Variants in DCAF10 observed in about 807,000 individuals in gnomAD.
The protein encoded by DCAF10 is DDB1 and CUL4 associated factor 10.
A neutral mutation model predicts 51.9 loss-of-function variants in DCAF10; 19 were observed. That is an observed-to-expected ratio of 0.37 (90% CI 0.26 to 0.54). DCAF10 has a LOEUF of 0.54. Ranked by LOEUF, DCAF10 falls within the 20% of genes least tolerant of loss-of-function variation. DCAF10 has a pLI of 0.87. For missense variants in DCAF10, 510 were observed against 730.6 expected (o/e 0.70, Z 3.48); for synonymous variants, 291 against 297.1 (o/e 0.98, Z 0.21).
At chr9:37,814,121 TATATA>T (rs1171334064) in intron 1 of DCAF10, among the ~76,000 whole-genome samples, 22 of 87,476 alleles carry the variant, frequency 2.5e-4, no homozygotes, top group African/African-American at 7.4e-4. Context: ...TATATATATA[TATATA>T]TTTGTTGTTG....
At chr9:37,833,483 TAA>T (rs1411161743) in intron 2 of DCAF10, among the ~76,000 whole-genome samples, 1 of 152,212 alleles carries the variant, frequency 6.6e-6, no homozygotes, top group African/African-American at 2.4e-5. Flanking sequence ...AATTTTTTTT[TAA>T]GATATAGACT....
intron 1 of DCAF10, among the ~76,000 whole-genome samples, chr9:37,813,522 C>T (rs561700229): frequency 6.6e-6 from 1 of 152,308 alleles, no homozygotes; most frequent in South Asian, 2.1e-4. Flanking sequence ...TTGACTGAGA[C>T]AATGATTGTC....
intron 2 of DCAF10, among the ~76,000 whole-genome samples, chr9:37,830,337 C>T (rs919804919): frequency 1.3e-5 from 2 of 152,134 alleles, no homozygotes; most frequent in Admixed American, 6.5e-5. Context: ...TTGGTGAGGG[C>T]ATGTATTTGT....
intron 3 of DCAF10, among the ~76,000 whole-genome samples, chr9:37,849,309 A>C (rs944967874): frequency 1.3e-5 from 2 of 152,192 alleles, no homozygotes; most frequent in African/African-American, 4.8e-5. Flanking sequence ...TTATTCACAG[A>C]TGATATATCA....
intron 3 of DCAF10, among the ~76,000 whole-genome samples, chr9:37,843,656 A>G (rs1286396431): frequency 6.6e-6 from 1 of 152,244 alleles, no homozygotes; most frequent in East Asian, 1.9e-4. Flanking sequence ...AAAAAGTTGG[A>G]GAAAATTATA....
At chr9:37,804,958 A>G (rs547401481) in intron 1 of DCAF10, among the ~76,000 whole-genome samples, 1 of 152,204 alleles carries the variant, frequency 6.6e-6, no homozygotes, top group Non-Finnish European at 1.5e-5. Context: ...AAGAACAAAG[A>G]TGAAATAAAT....
rs750530975 is a variant in DCAF10, at chr9:37,857,305, T to A, written c.1119T>A (p.Asp373Glu). The A allele has an allele frequency of 1.2e-6, 2 of 1,611,330 alleles. No individual in the cohort carries two copies. Among genetic ancestry groups the A allele is most frequent in the Non-Finnish European group, 1.7e-6 (2 of 1,179,096 alleles). ...CTGGCTCACCTTGTCATCATAGTGA[T>A]TCTAATTCTTCTGAGAAACACATGT... ...RVSGSPCHHS[D>E]SNSSEKHMSR... Residue 373 changes from aspartate to glutamate, a missense_variant, in exon 5 of 7, where the codon GAT (aspartate) becomes GAA (glutamate). Transcript: ENST00000377724.
intron 3 of DCAF10, among the ~76,000 whole-genome samples, chr9:37,843,493 A>G (rs958245053): frequency 3.9e-5 from 6 of 152,248 alleles, no homozygotes; most frequent in Admixed American, 2.0e-4. Context: ...TAAAATTTGA[A>G]TAGAAATATA....
At chr9:37,824,348 C>T (rs1379042166) in intron 2 of DCAF10, among the ~76,000 whole-genome samples, 1 of 151,860 alleles carries the variant, frequency 6.6e-6, no homozygotes, top group East Asian at 1.9e-4. Flanking sequence ...TGTTAAGGCC[C>T]TCTTCATGTT....
intron 4 of DCAF10, 46 bp from the exon 5 acceptor site, chr9:37,857,195 C>A (rs199646434): frequency 7.0e-7 from 1 of 1,433,584 alleles, no homozygotes; most frequent in African/African-American, 1.4e-5. Flanking sequence ...AGAGCCACTA[C>A]CAGAGTTATG....
At chr9:37,817,344 C>T (rs886449260) in intron 1 of DCAF10, among the ~76,000 whole-genome samples, 1 of 152,078 alleles carries the variant, frequency 6.6e-6, no homozygotes, top group African/African-American at 2.4e-5. Context: ...GTGGCTCACA[C>T]CTATAATCCC....
At chr9:37,839,097 C>T (rs977814439) in intron 2 of DCAF10, among the ~76,000 whole-genome samples, 1 of 151,608 alleles carries the variant, frequency 6.6e-6, no homozygotes, top group Non-Finnish European at 1.5e-5. Flanking sequence ...GCTCTGTGCC[C>T]CAGCTGGAGT....
intron 3 of DCAF10, among the ~76,000 whole-genome samples, chr9:37,848,968 G>A (rs1377556288): frequency 1.7e-5 from 2 of 120,144 alleles, no homozygotes; most frequent in African/African-American, 6.9e-5. Context: ...GCGAGACTCT[G>A]TCTCAAAAAA....
chr9:37,821,201 T>A (rs1440950988), intron 2 of DCAF10, among the ~76,000 whole-genome samples: 1 of 152,150 alleles, frequency 6.6e-6, no homozygotes, highest in African/African-American at 2.4e-5. Context: ...AATAACATGT[T>A]TAGAGATCAT....
At chr9:37,823,508 G>A (rs1468905172) in intron 2 of DCAF10, among the ~76,000 whole-genome samples, 2 of 152,110 alleles carry the variant, frequency 1.3e-5, no homozygotes, top group Non-Finnish European at 2.9e-5. Context: ...ACCATGTTAT[G>A]TCCAGGGAAA....
intron 1 of DCAF10, among the ~76,000 whole-genome samples, chr9:37,810,466 T>C (rs891069194): frequency 1.5e-5 from 2 of 135,306 alleles, no homozygotes; most frequent in African/African-American, 5.5e-5. Context: ...TTTCTTTCTT[T>C]TTTTTTTTGA....
intron 3 of DCAF10, among the ~76,000 whole-genome samples, chr9:37,844,469 G>A (rs1320438767): frequency 6.6e-6 from 1 of 152,176 alleles, no homozygotes; most frequent in African/African-American, 2.4e-5. Flanking sequence ...TGGCCAGCAC[G>A]CAGAAACCCC....
Position 37,861,050 on chromosome 9 carries a change from G to C in DCAF10, c.1312-90G>C, listed in dbSNP as rs1331652676. 2.0e-6 allele frequency: 3 copies of C among 1,478,584 alleles called. No homozygotes were observed. Among genetic ancestry groups the C allele is most frequent in the African/African-American group, 2.8e-5 (2 of 71,242 alleles). The allele number at this position is 1,478,584 out of a possible 1,614,324, so 91.6% of individuals were successfully genotyped here. A position where few individuals can be genotyped will look rare whatever the true frequency, so the allele number is the denominator to read the frequency against. ...TTTCTTGTAAAAATTCTGTGGCTTTGGCAATCTGTTGAGCTTTTTAAAAAT... is the reference window on the plus strand; with the variant it reads ...TTTCTTGTAAAAATTCTGTGGCTTTCGCAATCTGTTGAGCTTTTTAAAAAT... On this transcript the variant is annotated intron_variant, in intron 6 of 6. Transcript: ENST00000377724. This position sits in a 1 kb window ranked among gnomAD's most constrained non-coding sequence, Gnocchi z 4.9.
chr9:37,859,945 G>C, intron 5 of DCAF10, 103 bp from the exon 6 acceptor site: 1 of 1,372,194 alleles, frequency 7.3e-7, no homozygotes, highest in Non-Finnish European at 1.0e-6. Flanking sequence ...GCAGACTAAG[G>C]AATGACGGCA....
Sources: gnomAD v4.1 joint callset for allele counts (sites outside exome capture counted in the v4.1 genomes callset) on GRCh38, gnomAD v4.1.1 for gene constraint, Gnocchi (gnomAD v3.1) non-coding constraint, MANE v1.5 for transcripts, NCBI Gene and HGNC (gene_info 2026-07-23, HGNC 2026-07-21) for gene names.